GSN: variants seen among roughly 807,000 people sequenced by gnomAD.
GSN encodes actin-depolymerizing factor.
A neutral mutation model predicts 85.7 loss-of-function variants in GSN; 56 were observed. That is an observed-to-expected ratio of 0.65 (90% CI 0.53 to 0.82). The LOEUF (loss-of-function observed/expected upper bound fraction) is 0.82. Ranked by LOEUF, GSN falls within the 40% of genes least tolerant of loss-of-function variation. The pLI, the probability that GSN is intolerant of heterozygous loss-of-function variation, is 0.00. For missense variants in GSN, 857 were observed against 979.8 expected, an observed-to-expected ratio of 0.87 and a Z score of 1.67; for synonymous variants, 373 against 399.1, an observed-to-expected ratio of 0.93 and a Z score of 0.78.
At chr9:121,312,206 T>G in intron 5 of GSN, 133 bp from the exon 6 acceptor site, 1 of 880,846 alleles carries the variant, frequency 1.1e-6, no homozygotes, top group African/African-American at 1.6e-5. Flanking sequence ...GTGTGCAGAC[T>G]GTGCCAGCCT....
rs570834330 is a variant in GSN at position 121,312,450 on chromosome 9, G to A, written c.625G>A (p.Val209Met). The stretch of plus-strand genomic sequence containing the variant: ...GCGGAGTGGCCGGGCCCGAGTGCAC[G>A]TGTCTGAGGAGGGCACTGAGCCCGA... Reference protein sequence around the residue: ...NERSGRARVHVSEEGTEPEAM... With the variant: ...NERSGRARVHMSEEGTEPEAM... Residue 209 changes from valine to methionine, a missense_variant, in exon 6 of 18, where the codon GTG becomes ATG. Coordinates refer to ENST00000432226, the MANE Select transcript of GSN (RefSeq NM_198252.3). The A allele has an allele frequency of 3.7e-5, 59 of 1,614,016 alleles. No homozygotes were observed. The East Asian group carries it at 4.2e-4, about 12-fold the overall frequency.
intron 7 of GSN, among the ~76,000 whole-genome samples, chr9:121,315,021 CAGCT>C (rs927199805): frequency 2.6e-5 from 4 of 152,174 alleles, no homozygotes; most frequent in Admixed American, 2.6e-4. Context: ...CCACCACGCC[CAGCT>C]AACTTTTGTA....
At chr9:121,308,690 G>C (rs934424502) in intron 4 of GSN, 1 of 152,214 alleles carries the variant, frequency 6.6e-6, no homozygotes, top group African/African-American at 2.4e-5. Context: ...ATTGAGAGAA[G>C]AATGTGGATC....
rs1246292327 is a variant in GSN, at chr9:121,299,561, A to T, written c.-9-2402A>T. On this transcript the variant is annotated intron_variant, in intron 2 of 17. Transcript: ENST00000432226. The surrounding 1 kb of genome is among the most constrained non-coding windows in gnomAD (Gnocchi z 4.2). The stretch of plus-strand genomic sequence containing the variant: ...CGAGGGGGCTCGCGTGCGTCGCAGG[A>T]GGCTCAGCTGGGCTCGCCGCCGCTC... The T allele has an allele frequency of 1.3e-6, 1 of 772,650 alleles. No individual in the cohort carries two copies. Among genetic ancestry groups the T allele is most frequent in the Non-Finnish European group, 1.6e-6 (1 of 635,874 alleles). 47.9% of individuals were successfully genotyped at this position (772,650 alleles called of 1,614,324 possible). A position where few individuals can be genotyped will look rare whatever the true frequency, so the allele number is the denominator to read the frequency against.
intron 5 of GSN, chr9:121,239,638 T>C: frequency 3.5e-6 from 1 of 285,988 alleles, no homozygotes; most frequent in Non-Finnish European, 7.0e-6. Context: ...TCTGGGTAGA[T>C]TTGACGTTGA....
intron 5 of GSN, among the ~76,000 whole-genome samples, chr9:121,233,590 G>C (rs144095254): frequency 1.3e-4 from 20 of 152,252 alleles, no homozygotes; most frequent in Non-Finnish European, 2.4e-4. Flanking sequence ...CCTTCAGATG[G>C]TTCCAACCCC....
intron 2 of GSN, among the ~76,000 whole-genome samples, chr9:121,292,693 C>A (rs1314982155): frequency 1.3e-5 from 2 of 152,172 alleles, no homozygotes; most frequent in Non-Finnish European, 2.9e-5. Flanking sequence ...CCAGATTCAT[C>A]CCTGTACATT....
intron 7 of GSN, among the ~76,000 whole-genome samples, chr9:121,314,748 T>C (rs1296892966): frequency 6.6e-6 from 1 of 152,246 alleles, no homozygotes; most frequent in African/African-American, 2.4e-5. Context: ...TTTTAAAATA[T>C]GTTTTAATTA....
At chr9:121,303,437 C>T (rs1409960922) in intron 4 of GSN, among the ~76,000 whole-genome samples, 1 of 152,204 alleles carries the variant, frequency 6.6e-6, no homozygotes, top group Non-Finnish European at 1.5e-5. Flanking sequence ...ATTCTTAAGG[C>T]CTTGCCAACA....
In GSN at chr9:121,291,367, C is replaced by T. The variant is rs187506774; in HGVS notation, c.-10+9805C>T. Among the ~76,000 whole-genome samples the T allele has an allele frequency of 4.0e-4, 61 of 151,452 alleles. 1 individual carries two copies. In the East Asian group the frequency reaches 0.01, roughly 25 times the overall value. On this transcript the variant is annotated intron_variant, in intron 2 of 17. Coordinates refer to ENST00000432226, the MANE Select transcript of GSN (RefSeq NM_198252.3). ...GGGAGGTCCTGGAACCAACTGATCC[C>T]GCGTGGATAGGGAGGGACAACTATT...
At chr9:121,209,896 G>T (rs2053942917) in intron 2 of GSN, among the ~76,000 whole-genome samples, 1 of 152,196 alleles carries the variant, frequency 6.6e-6, no homozygotes, top group Non-Finnish European at 1.5e-5. Context: ...GAGAAGAGAT[G>T]AAGAATGAGA....
Position 121,312,479 on chromosome 9 carries a change from G to C in GSN, c.654G>C (p.Ala218=), listed in dbSNP as rs759304648. The C allele has an allele frequency of 6.2e-7, 1 of 1,609,246 alleles. No individual in the cohort carries two copies. Among genetic ancestry groups the C allele is most frequent in the Non-Finnish European group, 8.5e-7 (1 of 1,177,124 alleles). The change falls in exon 6 of 18, where the codon GCG becomes GCC. Residue 218 remains alanine, a synonymous_variant. Coordinates refer to ENST00000432226, the MANE Select transcript of GSN (RefSeq NM_198252.3). ...HVSEEGTEPE[A]MLQVLGPKPA... is the part of the protein sequence containing the mutation. ...CTGAGGAGGGCACTGAGCCCGAGGCGATGCTCCAGGTGCCTGTGGGGTGCG... is the reference window on the plus strand; with the variant it reads ...CTGAGGAGGGCACTGAGCCCGAGGCCATGCTCCAGGTGCCTGTGGGGTGCG...
Position 121,311,019 on chromosome 9 carries a change from C to A in GSN, c.513+174C>A. The A allele has an allele frequency of 1.4e-5, 9 of 658,204 alleles. No homozygotes were observed. The South Asian group carries it at 1.6e-4, about 11-fold the overall frequency. 40.8% of individuals were successfully genotyped at this position (658,204 alleles called of 1,614,324 possible). A position where few individuals can be genotyped will look rare whatever the true frequency, so the allele number is the denominator to read the frequency against. The stretch of plus-strand genomic sequence containing the variant: ...AAAGACTCCCACAAATGTAGACTCA[C>A]ACCACGGGTATAGTGCGTACTTGGA... On this transcript the variant is annotated intron_variant, in intron 5 of 17. Coordinates refer to ENST00000432226, the MANE Select transcript of GSN (RefSeq NM_198252.3).
At chr9:121,327,593 C>T in intron 14 of GSN, 111 bp downstream of exon 14, 2 of 834,238 alleles carry the variant, frequency 2.4e-6, no homozygotes, top group South Asian at 3.5e-5. Flanking sequence ...CACCTGAGGG[C>T]CTGTCCCCTA....
chr9:121,292,533 G>T (rs1202759894), intron 2 of GSN, among the ~76,000 whole-genome samples: 1 of 152,206 alleles, frequency 6.6e-6, no homozygotes, highest in Non-Finnish European at 1.5e-5. Context: ...AGCACCTGCT[G>T]TGTGCCAAAC....
intron 1 of GSN, among the ~76,000 whole-genome samples, chr9:121,278,677 A>G (rs1003034366): frequency 2.6e-5 from 4 of 152,080 alleles, no homozygotes; most frequent in African/African-American, 4.8e-5. Context: ...GCTGGAATGA[A>G]ACCCTTCTCT....
At chr9:121,311,971 A>C in intron 5 of GSN, 1 of 241,354 alleles carries the variant, frequency 4.1e-6, no homozygotes, top group Non-Finnish European at 8.2e-6. Context: ...ATTTTCCTAG[A>C]AGGAGGATTG....
In GSN at chr9:121,300,062, C is replaced by G; in HGVS notation, c.-9-1901C>G. The stretch of plus-strand genomic sequence containing the variant: ...AGTAACTCTCTATTGTAAGTTCTTG[C>G]AGATACAGCGCTAGGAAAAGGGGAG... On this transcript the variant is annotated intron_variant, in intron 2 of 17. Transcript: ENST00000432226. The G allele has an allele frequency of 3.1e-6, 5 of 1,606,640 alleles. No homozygotes were observed. In the South Asian group the frequency reaches 5.5e-5, roughly 18 times the overall value.
Position 121,293,471 on chromosome 9 carries a change from G to T in GSN, c.-9-8492G>T, listed in dbSNP as rs951911421. 5.3e-5 allele frequency among the ~76,000 whole-genome samples: 8 copies of T among 151,726 alleles called. No homozygotes were observed. The South Asian group carries it at 1.7e-3, about 32-fold the overall frequency. Reference sequence around the variant, plus strand: ...CATAAAATTTGCCATTTAATAGGCCGGGCGCGGTGGTTCACACCTGTAATC... The same window carrying T: ...CATAAAATTTGCCATTTAATAGGCCTGGCGCGGTGGTTCACACCTGTAATC... On this transcript the variant is annotated intron_variant, in intron 2 of 17. Coordinates refer to ENST00000432226, the MANE Select transcript of GSN (RefSeq NM_198252.3).
Sources: allele counts gnomAD v4.1 joint callset (sites outside exome capture counted in the v4.1 genomes callset), GRCh38; gene constraint gnomAD v4.1.1; non-coding constraint Gnocchi (gnomAD v3.1); transcripts MANE v1.5; gene names NCBI Gene and HGNC (gene_info 2026-07-23, HGNC 2026-07-21).